PCSK2: variants seen among roughly 807,000 people sequenced by gnomAD.
PCSK2 encodes proprotein convertase subtilisin/kexin type 2.
In PCSK2, 14 loss-of-function variants were observed where a neutral mutation model predicts 69.7. The ratio of observed to expected loss-of-function variants is 0.20; its 90% CI spans 0.13 to 0.31. PCSK2 has a LOEUF of 0.31. Ranked by LOEUF, PCSK2 falls within the 10% of genes least tolerant of loss-of-function variation. PCSK2 has a pLI of 1.00. For missense variants in PCSK2, 544 were observed against 842.5 expected, an observed-to-expected ratio of 0.65 and a Z score of 4.39; for synonymous variants, 307 against 320.7, an observed-to-expected ratio of 0.96 and a Z score of 0.46.
chr20:17,284,773 C>T (rs1174382588), intron 2 of PCSK2, among the ~76,000 whole-genome samples: 2 of 152,096 alleles, frequency 1.3e-5, no homozygotes, highest in Non-Finnish European at 2.9e-5. Context: ...TCTGTCTCCC[C>T]AAGGAGTTTG....
At position 17,436,242 on chromosome 20, in the gene PCSK2, CT is replaced by C. The variant is rs201487926; in HGVS notation, c.710-465del. 1.2e-3 allele frequency among the ~76,000 whole-genome samples: 179 copies of C among 152,284 alleles called. No individual in the cohort carries two copies. The East Asian group carries it at 0.026, about 22-fold the overall frequency. ...ACCCGCTCCTGCACTGCCCCTGCCCCTCTCTCTGTCCCCTGCCCTCTGCCCT... is the reference window on the plus strand; with the variant it reads ...ACCCGCTCCTGCACTGCCCCTGCCCCCTCTCTGTCCCCTGCCCTCTGCCCT... On this transcript the variant is annotated intron_variant, in intron 7 of 11. Transcript: ENST00000262545.
intron 11 of PCSK2, among the ~76,000 whole-genome samples, chr20:17,474,101 A>T (rs944622716): frequency 6.6e-6 from 1 of 152,210 alleles, no homozygotes; most frequent in Non-Finnish European, 1.5e-5. Flanking sequence ...AGGGGGTTTC[A>T]GTAGATGGTG....
At chr20:17,401,071 A>G (rs1462386343) in intron 5 of PCSK2, among the ~76,000 whole-genome samples, 3 of 152,164 alleles carry the variant, frequency 2.0e-5, no homozygotes, top group Non-Finnish European at 4.4e-5. Context: ...GTTTATTTTG[A>G]TAGATATTGC....
chr20:17,346,402 C>T (rs1355037516), intron 2 of PCSK2, among the ~76,000 whole-genome samples: 4 of 152,140 alleles, frequency 2.6e-5, no homozygotes, highest in Admixed American at 6.6e-5. Context: ...CTCCTCGTCT[C>T]CCCACCATCC....
At chr20:17,237,648 G>A (rs774464927) in intron 1 of PCSK2, among the ~76,000 whole-genome samples, 10 of 152,156 alleles carry the variant, frequency 6.6e-5, no homozygotes, top group Non-Finnish European at 1.5e-4. Context: ...AAGAGGAGAC[G>A]AGTGTTAATT....
intron 6 of PCSK2, 71 bp downstream of exon 6, chr20:17,409,410 G>A: frequency 3.9e-6 from 4 of 1,023,754 alleles, no homozygotes; most frequent in South Asian, 1.3e-5. Flanking sequence ...TTTGTTTCAG[G>A]CTTGACTACC....
intron 6 of PCSK2, among the ~76,000 whole-genome samples, chr20:17,415,150 A>C (rs148815825): frequency 0.019 from 2,949 of 152,230 alleles, 97 homozygotes; most frequent in African/African-American, 0.067. Flanking sequence ...CTCTGTCACC[A>C]CTCCTATTCA....
chr20:17,447,414 T>C (rs1168160613), intron 8 of PCSK2, among the ~76,000 whole-genome samples: 3 of 151,968 alleles, frequency 2.0e-5, no homozygotes, highest in South Asian at 4.2e-4. Flanking sequence ...AGTGAAAAAA[T>C]ATATAACTCA....
In PCSK2 at chr20:17,456,458, T is replaced by C. The variant is rs749583617; in HGVS notation, c.1202+10T>C. 1.3e-6 allele frequency: 2 copies of C among 1,492,920 alleles called. No individual in the cohort carries two copies. Among genetic ancestry groups the C allele is most frequent in the Non-Finnish European group, 1.9e-6 (2 of 1,070,080 alleles). The allele number at this position is 1,492,920 out of a possible 1,614,324, so 92.5% of individuals were successfully genotyped here. A position where few individuals can be genotyped will look rare whatever the true frequency, so the allele number is the denominator to read the frequency against. ...TGGCTCTGGAGGCTAAGTATGTTCA[T>C]AGCTCTGGGTCCAGGGCCAGCTCTG... On this transcript the variant is annotated intron_variant, in intron 10 of 11. Coordinates refer to ENST00000262545, the MANE Select transcript of PCSK2 (RefSeq NM_002594.5).
intron 5 of PCSK2, among the ~76,000 whole-genome samples, chr20:17,396,219 G>A (rs893008752): frequency 6.6e-6 from 1 of 152,236 alleles, no homozygotes; most frequent in Non-Finnish European, 1.5e-5. Context: ...TTACACGGTT[G>A]CTATTGTAGA....
Position 17,481,875 on chromosome 20 carries a change from T to C in PCSK2, c.1722T>C (p.Phe574=). ...GCACCTGGACCCTGGAGCTGGGATT[T>C]GTCGGCAGCGCCCCGCAGAAGGGGG... ...ARGTWTLELG[F]VGSAPQKGVL... The change falls in exon 12 of 12, where the codon TTT becomes TTC. Residue 574 remains phenylalanine, a synonymous_variant. Coordinates refer to ENST00000262545, the MANE Select transcript of PCSK2 (RefSeq NM_002594.5). 6.2e-7 allele frequency: 1 copy of C among 1,613,956 alleles called. No homozygotes were observed. The highest frequency in any genetic ancestry group is 1.3e-5 in the African/African-American group (1 of 74,988).
At chr20:17,270,212 C>G (rs1020888265) in intron 2 of PCSK2, among the ~76,000 whole-genome samples, 1 of 152,052 alleles carries the variant, frequency 6.6e-6, no homozygotes, top group African/African-American at 2.4e-5. Context: ...TTTTTTAATA[C>G]TCTTTAGAAC....
rs893059937 is a variant in PCSK2 at position 17,429,508 on chromosome 20, A to C, written c.694A>C (p.Asn232His). The change falls in exon 7 of 12, where the codon AAC (asparagine) becomes CAC (histidine). Residue 232 changes from asparagine to histidine, a missense_variant. This residue lies in a region of PCSK2 where 187 missense variants were observed against 399.8 expected (regional missense o/e 0.47). Coordinates refer to ENST00000262545, the MANE Select transcript of PCSK2 (RefSeq NM_002594.5). Reference protein sequence around the residue: ...NNICGVGVAYNSKVAGIRMLD... With the variant: ...NNICGVGVAYHSKVAGIRMLD... Reference sequence around the variant, plus strand: ...TATCTGTGGAGTTGGAGTAGCATACAACTCCAAGGTTGCAGGTAAGCCATC... The same window carrying C: ...TATCTGTGGAGTTGGAGTAGCATACCACTCCAAGGTTGCAGGTAAGCCATC... 1.9e-6 allele frequency: 3 copies of C among 1,612,410 alleles called. No homozygotes were observed. The highest frequency in any genetic ancestry group is 3.3e-5 in the Admixed American group (2 of 59,940).
chr20:17,446,731 A>G (rs1054914608), intron 8 of PCSK2, among the ~76,000 whole-genome samples: 3 of 152,260 alleles, frequency 2.0e-5, no homozygotes, highest in African/African-American at 4.8e-5. Flanking sequence ...GAGTGCAGAA[A>G]GGCAATATTC....
At chr20:17,431,001 G>A (rs16999185) in intron 7 of PCSK2, among the ~76,000 whole-genome samples, 2 of 152,032 alleles carry the variant, frequency 1.3e-5, no homozygotes, top group African/African-American at 4.8e-5. Context: ...GAAAACACCT[G>A]AGCATTGAGT....
At chr20:17,401,964 C>T (rs1346315227) in intron 5 of PCSK2, among the ~76,000 whole-genome samples, 1 of 152,174 alleles carries the variant, frequency 6.6e-6, no homozygotes, top group Admixed American at 6.5e-5. Flanking sequence ...GGAATGTACG[C>T]TTTTAGGGAA....
At chr20:17,288,468 C>A (rs1166360535) in intron 2 of PCSK2, among the ~76,000 whole-genome samples, 1 of 152,138 alleles carries the variant, frequency 6.6e-6, no homozygotes, top group Non-Finnish European at 1.5e-5. Flanking sequence ...ACCTGCTCCA[C>A]CACTAATGGC....
intron 2 of PCSK2, among the ~76,000 whole-genome samples, chr20:17,331,074 T>C (rs879440983): frequency 2.0e-5 from 3 of 152,078 alleles, no homozygotes; most frequent in Admixed American, 2.0e-4. Context: ...GAATCAGTCA[T>C]AGGAGATGGG....
intron 5 of PCSK2, among the ~76,000 whole-genome samples, chr20:17,370,189 G>A (rs940974451): frequency 3.9e-5 from 6 of 152,174 alleles, no homozygotes; most frequent in Admixed American, 6.5e-5. Context: ...GAGACCTCCA[G>A]ATCTAGGTGT....
Sources: gnomAD v4.1 joint callset for allele counts (sites outside exome capture counted in the v4.1 genomes callset) on GRCh38, gnomAD v4.1.1 for gene constraint, gnomAD v4.1.1 regional missense constraint, MANE v1.5 for transcripts, NCBI Gene and HGNC (gene_info 2026-07-23, HGNC 2026-07-21) for gene names.